The following ROBO1 variants were observed in gnomAD, a reference collection of about 807,000 sequenced individuals.
ROBO1 encodes the protein roundabout guidance receptor 1.
ROBO1 carries 149 observed loss-of-function variants against 195.9 expected under a neutral mutation model. The observed-to-expected ratio is 0.76, with a 90% CI of 0.67 to 0.87. The LOEUF is 0.87. Among genes scored for constraint, ROBO1 ranks in the 40% least tolerant of loss-of-function variants. The pLI, the probability that ROBO1 is intolerant of heterozygous loss-of-function variation, is 0.00. For missense variants in ROBO1, 1,933 were observed against 2,068.3 expected, an observed-to-expected ratio of 0.93 and a Z score of 1.27; for synonymous variants, 816 against 733.2, an observed-to-expected ratio of 1.11 and a Z score of -1.82.
chr3:79,463,237 T>C (rs1937751996), intron 2 of ROBO1, among the ~76,000 whole-genome samples: 1 of 151,778 alleles, frequency 6.6e-6, no homozygotes, highest in South Asian at 2.1e-4. Flanking sequence ...TAGCTGGGCG[T>C]GGTGGCGGGC....
chr3:78,911,523 TTGTC>T (rs1393502799), intron 4 of ROBO1, among the ~76,000 whole-genome samples: 1 of 151,978 alleles, frequency 6.6e-6, no homozygotes, highest in African/African-American at 2.4e-5. Flanking sequence ...ATTCGTGAAA[TTGTC>T]TGTGCAATAC....
intron 4 of ROBO1, among the ~76,000 whole-genome samples, chr3:78,786,067 T>A (rs1355843907): frequency 1.3e-5 from 2 of 151,818 alleles, no homozygotes; most frequent in Non-Finnish European, 2.9e-5. Flanking sequence ...TTGAAAAACA[T>A]AAAATTAGTA....
chr3:78,755,692 A>G (rs2082911861), intron 4 of ROBO1, among the ~76,000 whole-genome samples: 1 of 152,168 alleles, frequency 6.6e-6, no homozygotes, highest in Non-Finnish European at 1.5e-5. Context: ...CCAGGTTTCT[A>G]ATCTGAGTAA....
chr3:78,769,122 T>C (rs1476840679), intron 4 of ROBO1, among the ~76,000 whole-genome samples: 1 of 152,144 alleles, frequency 6.6e-6, no homozygotes, highest in Non-Finnish European at 1.5e-5. Context: ...TTTGTTGACT[T>C]TCTGTCTTGA....
intron 1 of ROBO1, among the ~76,000 whole-genome samples, chr3:79,615,068 G>A (rs999650694): frequency 6.6e-6 from 1 of 151,978 alleles, no homozygotes; most frequent in Non-Finnish European, 1.5e-5. Context: ...GGCCATAATG[G>A]GAACAAGTAG....
At chr3:78,628,224 G>T (rs553245129) in intron 25 of ROBO1, among the ~76,000 whole-genome samples, 2 of 152,240 alleles carry the variant, frequency 1.3e-5, no homozygotes, top group Non-Finnish European at 2.9e-5. Flanking sequence ...AAAGTGCTGG[G>T]ATTACAGGCG....
At chr3:79,146,910 C>T (rs1312236384) in intron 2 of ROBO1, among the ~76,000 whole-genome samples, 1 of 151,714 alleles carries the variant, frequency 6.6e-6, no homozygotes. Flanking sequence ...GTGAAAATAT[C>T]TTTCCAATAG....
intron 2 of ROBO1, among the ~76,000 whole-genome samples, chr3:79,133,596 TC>T (rs1300478967): frequency 1.4e-4 from 7 of 50,642 alleles, no homozygotes; most frequent in African/African-American, 5.6e-4. Context: ...TAAATTTTTT[TC>T]AAAGTTTTCA....
chr3:79,478,741 G>A (rs1938674124), intron 2 of ROBO1, among the ~76,000 whole-genome samples: 1 of 152,156 alleles, frequency 6.6e-6, no homozygotes, highest in Non-Finnish European at 1.5e-5. Context: ...CTACCTGCCA[G>A]TAGAACTGAT....
rs80327894 is a variant in ROBO1, at chr3:79,136,039, A to T, written c.89-10500T>A. On this transcript the variant is annotated intron_variant, in intron 2 of 30. Transcript: ENST00000464233. The stretch of plus-strand genomic sequence containing the variant: ...TCTCCATAATGTGCAGCAGACATTC[A>T]TGCAATGGCATTTCTCTTTCACCAG... Among the ~76,000 whole-genome samples the T allele has an allele frequency of 2.1e-3, 325 of 152,346 alleles. 2 individuals are homozygous for T. The highest frequency in any genetic ancestry group is 7.4e-3 in the African/African-American group (309 of 41,598).
intron 10 of ROBO1, 76 bp downstream of exon 10, chr3:78,685,670 A>G (rs2081034717): frequency 9.8e-7 from 1 of 1,015,650 alleles, no homozygotes; most frequent in East Asian, 2.6e-5. Flanking sequence ...AGTTGGAAAT[A>G]AATATATCTA....
intron 3 of ROBO1, among the ~76,000 whole-genome samples, chr3:79,060,340 T>A (rs1225141800): frequency 6.6e-6 from 1 of 152,000 alleles, no homozygotes; most frequent in Admixed American, 6.6e-5. Flanking sequence ...GATATTTTAT[T>A]GCCTTTGAAG....
At chr3:79,050,898 A>G (rs943110156) in intron 3 of ROBO1, among the ~76,000 whole-genome samples, 1 of 152,200 alleles carries the variant, frequency 6.6e-6, no homozygotes, top group Non-Finnish European at 1.5e-5. Context: ...TCTCAGGGAT[A>G]CACTGAAAGC....
At chr3:79,597,528 T>G (rs1411485025) in intron 1 of ROBO1, among the ~76,000 whole-genome samples, 1 of 152,038 alleles carries the variant, frequency 6.6e-6, no homozygotes, top group African/African-American at 2.4e-5. Flanking sequence ...AGCCTATAAT[T>G]TGTTTATGTT....
chr3:79,185,234 CTA>C (rs1445422584), intron 2 of ROBO1, among the ~76,000 whole-genome samples: 1 of 152,174 alleles, frequency 6.6e-6, no homozygotes, highest in African/African-American at 2.4e-5. Context: ...TCTCTGGTCT[CTA>C]TCTCTCCAGG....
chr3:79,442,335 G>A (rs1371766739), intron 2 of ROBO1, among the ~76,000 whole-genome samples: 1 of 152,094 alleles, frequency 6.6e-6, no homozygotes, highest in Non-Finnish European at 1.5e-5. Context: ...TAAAAACATA[G>A]TGCCATATAT....
intron 3 of ROBO1, among the ~76,000 whole-genome samples, chr3:78,955,120 GTAAACTGTGTGTCATGGAGT>G (rs2040978998): frequency 6.7e-6 from 1 of 148,506 alleles, no homozygotes; most frequent in African/African-American, 2.5e-5. Context: ...GGTTATATAG[GTAAACTGTGTGTCATGGAGT>G]TATATAGGTA....
At chr3:79,426,370 G>GTTGTTTGT (rs900001867) in intron 2 of ROBO1, among the ~76,000 whole-genome samples, 1 of 151,660 alleles carries the variant, frequency 6.6e-6, no homozygotes, top group Non-Finnish European at 1.5e-5. Flanking sequence ...TGTTGTTGTT[G>GTTGTTTGT]TTGTTTGTTT....
At chr3:79,631,700 C>A (rs148989167) in intron 1 of ROBO1, among the ~76,000 whole-genome samples, 4 of 152,044 alleles carry the variant, frequency 2.6e-5, no homozygotes, top group Admixed American at 6.6e-5. Flanking sequence ...AAGGAGAGAA[C>A]TTACAAAACG....
Sources: gnomAD v4.1 joint callset for allele counts (sites outside exome capture counted in the v4.1 genomes callset) on GRCh38, gnomAD v4.1.1 for gene constraint, MANE v1.5 for transcripts, NCBI Gene and HGNC (gene_info 2026-07-23, HGNC 2026-07-21) for gene names.